Variants in RALGAPB observed in about 807,000 individuals in gnomAD.
RALGAPB encodes Ral GTPase activating protein non-catalytic subunit beta.
RALGAPB carries 25 observed loss-of-function variants against 161.1 expected under a neutral mutation model. That is an observed-to-expected ratio of 0.16 (90% CI 0.11 to 0.22). The LOEUF is 0.22. Among genes scored for constraint, RALGAPB ranks in the 10% least tolerant of loss-of-function variants. RALGAPB has a pLI of 1.00. For synonymous variants in RALGAPB, 629 were observed against 626.1 expected (o/e 1.00, Z -0.07); for missense variants, 1,391 against 1,815.2 (o/e 0.77, Z 4.25).
chr20:38,509,947 T>G (rs2085884923), intron 6 of RALGAPB, among the ~76,000 whole-genome samples: 1 of 152,214 alleles, frequency 6.6e-6, no homozygotes, highest in Admixed American at 6.5e-5. Flanking sequence ...TTACAGTTTG[T>G]GTTTTTCAGC....
At position 38,567,240 on chromosome 20, in the gene RALGAPB, A is replaced by G. The variant is rs1335412247; in HGVS notation, c.3954+8A>G. 1 of 1,609,340 alleles carries G rather than the reference A, an allele frequency of 6.2e-7. No homozygotes were observed. Among genetic ancestry groups the G allele is most frequent in the South Asian group, 1.1e-5 (1 of 90,006 alleles). ...CTTAATTCCTCACAGAGGGTAAGTT[A>G]CTTTGTTGATAGGTCTCCAAAATTT... On this transcript the variant is annotated splice_region_variant and intron_variant, in intron 26 of 29. Transcript: ENST00000262879.
intron 9 of RALGAPB, 74 bp from the exon 10 acceptor site, chr20:38,521,423 T>C: frequency 1.3e-6 from 2 of 1,583,926 alleles, no homozygotes; most frequent in Non-Finnish European, 1.7e-6. Context: ...CAATATTTGA[T>C]CTTTGTGTCC....
chr20:38,522,526 C>T (rs984392089), intron 10 of RALGAPB, among the ~76,000 whole-genome samples: 7 of 152,136 alleles, frequency 4.6e-5, no homozygotes, highest in Non-Finnish European at 1.0e-4. Context: ...TAATGGCCTC[C>T]CGTTCTTCTT....
At chr20:38,476,108 A>G (rs2084795353) in intron 1 of RALGAPB, among the ~76,000 whole-genome samples, 1 of 152,246 alleles carries the variant, frequency 6.6e-6, no homozygotes, top group African/African-American at 2.4e-5. Flanking sequence ...GCTTTAGCAC[A>G]TGGAAGAAAC....
chr20:38,530,511 G>A (rs2086621150), intron 13 of RALGAPB, among the ~76,000 whole-genome samples: 1 of 151,478 alleles, frequency 6.6e-6, no homozygotes. Context: ...TGCTGACTCG[G>A]CCTCCCAAAG....
chr20:38,568,687 G>A (rs564770345), intron 26 of RALGAPB: 1 of 152,304 alleles, frequency 6.6e-6, no homozygotes, highest in Non-Finnish European at 1.5e-5. Context: ...AGTTTAGCAA[G>A]ATTGCAGGAA....
At chr20:38,553,261 G>A (rs377081159) in intron 21 of RALGAPB, among the ~76,000 whole-genome samples, 8 of 152,150 alleles carry the variant, frequency 5.3e-5, no homozygotes, top group East Asian at 3.9e-4. Flanking sequence ...TTACTCACCC[G>A]GGAATGGAAC....
At chr20:38,507,903 T>G (rs1302387542) in intron 5 of RALGAPB, among the ~76,000 whole-genome samples, 1 of 152,038 alleles carries the variant, frequency 6.6e-6, no homozygotes, top group Non-Finnish European at 1.5e-5. Flanking sequence ...TCTTTATATG[T>G]GAGAATATTA....
chr20:38,537,315 T>G (rs1288841458), intron 16 of RALGAPB, among the ~76,000 whole-genome samples: 3 of 152,178 alleles, frequency 2.0e-5, no homozygotes, highest in Non-Finnish European at 4.4e-5. Context: ...CCAAAAAATT[T>G]TGATTCATAC....
chr20:38,509,357 G>C, intron 6 of RALGAPB, 149 bp downstream of exon 6: 2 of 885,800 alleles, frequency 2.3e-6, no homozygotes, highest in Non-Finnish European at 3.4e-6. Context: ...GCACATTTCT[G>C]TCCTGTGCCT....
intron 6 of RALGAPB, among the ~76,000 whole-genome samples, chr20:38,513,075 T>C (rs1479818537): frequency 6.6e-6 from 1 of 152,112 alleles, no homozygotes. Context: ...TTAAAAATTT[T>C]TAAAAATATA....
At chr20:38,479,187 G>A (rs1483955077) in intron 1 of RALGAPB, among the ~76,000 whole-genome samples, 2 of 152,158 alleles carry the variant, frequency 1.3e-5, no homozygotes, top group South Asian at 2.1e-4. Context: ...CAGCCATTGT[G>A]TTTTGTTTAT....
chr20:38,499,237 C>T (rs2085510805), intron 4 of RALGAPB, among the ~76,000 whole-genome samples: 1 of 152,070 alleles, frequency 6.6e-6, no homozygotes. Context: ...TGAAATCTTT[C>T]AAAGTAAAAA....
chr20:38,511,265 A>G (rs1202419236), intron 6 of RALGAPB, among the ~76,000 whole-genome samples: 1 of 152,044 alleles, frequency 6.6e-6, no homozygotes, highest in Non-Finnish European at 1.5e-5. Context: ...TGAGAATTGT[A>G]TTAAGCTTGT....
At chr20:38,501,409 T>A (rs1431139381) in intron 5 of RALGAPB, among the ~76,000 whole-genome samples, 1 of 152,168 alleles carries the variant, frequency 6.6e-6, no homozygotes, top group East Asian at 1.9e-4. Context: ...CTCAGGAGTT[T>A]GAGACCACTC....
chr20:38,499,238 A>G (rs1280124380), intron 4 of RALGAPB, among the ~76,000 whole-genome samples: 3 of 152,210 alleles, frequency 2.0e-5, no homozygotes, highest in African/African-American at 7.2e-5. Flanking sequence ...GAAATCTTTC[A>G]AAGTAAAAAT....
chr20:38,562,488 AT>A (rs2087819369), intron 23 of RALGAPB, 43 bp from the exon 24 acceptor site: 1 of 1,455,130 alleles, frequency 6.9e-7, no homozygotes, highest in Admixed American at 2.2e-5. Context: ...TTGATATATT[AT>A]TTTGTTTCCT....
At position 38,517,816 on chromosome 20, in the gene RALGAPB, C is replaced by T; in HGVS notation, c.1233C>T (p.His411=). 6.2e-7 allele frequency: 1 copy of T among 1,613,834 alleles called. No individual in the cohort carries two copies. The highest frequency in any genetic ancestry group is 8.5e-7 in the Non-Finnish European group (1 of 1,179,750). Reference sequence around the variant, plus strand: ...CTGCTCATGCCTCTAAAGTTCAGCACCAGACGTCCTCCACCTCTCCTCTGT... The same window carrying T: ...CTGCTCATGCCTCTAAAGTTCAGCATCAGACGTCCTCCACCTCTCCTCTGT... ...VSTAHASKVQ[H]QTSSTSPLSS... Residue 411 remains histidine, a synonymous_variant, in exon 9 of 30, where the codon CAC becomes CAT. Transcript: ENST00000262879.
In RALGAPB at chr20:38,517,888, T is replaced by G; in HGVS notation, c.1305T>G (p.Pro435=). The G allele has an allele frequency of 1.9e-6, 3 of 1,613,886 alleles. No individual in the cohort carries two copies. Among genetic ancestry groups the G allele is most frequent in the South Asian group, 2.2e-5 (2 of 91,070 alleles). Reference sequence around the variant, plus strand: ...CAGAACCCCGGCCACTGCCTGCCCCTCGGAGACCAAAGGTTAACAGCATCT... The same window carrying G: ...CAGAACCCCGGCCACTGCCTGCCCCGCGGAGACCAAAGGTTAACAGCATCT... ...TSSEPRPLPA[P]RRPKVNSILN... is the part of the protein sequence containing the mutation. Residue 435 remains proline (P), a synonymous_variant, in exon 9 of 30, where the codon CCT becomes CCG. Transcript: ENST00000262879.
Sources: gnomAD v4.1 joint callset for allele counts (sites outside exome capture counted in the v4.1 genomes callset) on GRCh38, gnomAD v4.1.1 for gene constraint, MANE v1.5 for transcripts, NCBI Gene and HGNC (gene_info 2026-07-23, HGNC 2026-07-21) for gene names.